The following MS4A12 variants were observed in gnomAD, a reference collection of about 807,000 sequenced individuals.
MS4A12 encodes the protein membrane-spanning 4-domains subfamily A member 12.
Under a neutral mutation model 23.7 loss-of-function variants are expected in MS4A12, and 28 were observed. The observed-to-expected ratio is 1.18, with a 90% CI of 0.88 to 1.62. The LOEUF is 1.62. Among genes scored for constraint, MS4A12 ranks in the 40% most tolerant of loss-of-function variants. The pLI is 0.00. For missense variants in MS4A12, 342 were observed against 327.0 expected (o/e 1.05, Z -0.35); for synonymous variants, 108 against 110.1 (o/e 0.98, Z 0.12).
In MS4A12 at chr11:60,507,393, A is replaced by G. The variant is rs980296875; in HGVS notation, c.*269A>G. 5.7e-5 allele frequency: 22 copies of G among 387,108 alleles called. No individual in the cohort carries two copies. The highest frequency in any genetic ancestry group is 2.5e-4 in the African/African-American group (12 of 48,570). 24.0% of individuals were successfully genotyped at this position (387,108 alleles called of 1,614,324 possible). ...TAAAGTTAGAAATGTTTCTGTTCAT[A>G]TTACTTTTTCCTTAATAAAATGTCA... On this transcript the variant is annotated 3_prime_UTR_variant, in exon 7 of 7. Transcript: ENST00000016913.
At chr11:60,501,905 C>G in intron 3 of MS4A12, 78 bp from the exon 4 acceptor site, 1 of 1,344,728 alleles carries the variant, frequency 7.4e-7, no homozygotes, top group Non-Finnish European at 1.1e-6. Flanking sequence ...CATAAATAGA[C>G]CAACCTTTCA....
chr11:60,497,821 G>A (rs1820720839), intron 2 of MS4A12: 1 of 502,802 alleles, frequency 2.0e-6, no homozygotes, highest in Non-Finnish European at 3.5e-6. Context: ...TGGAGAATTT[G>A]GTAATATTGA....
intron 5 of MS4A12, among the ~76,000 whole-genome samples, chr11:60,506,364 G>A (rs970383160): frequency 2.0e-5 from 3 of 151,804 alleles, no homozygotes; most frequent in Non-Finnish European, 2.9e-5. Context: ...CATTAATTTT[G>A]GTTATTTCTA....
intron 2 of MS4A12, among the ~76,000 whole-genome samples, chr11:60,500,647 C>T (rs79984935): frequency 0.013 from 2,031 of 152,308 alleles, 42 homozygotes; most frequent in African/African-American, 0.046. Context: ...ATTCCTTTAC[C>T]CGTAACTGGG....
intron 2 of MS4A12, among the ~76,000 whole-genome samples, chr11:60,498,530 T>C (rs7928449): frequency 0.57 from 87,021 of 151,978 alleles, 25,073 homozygotes; most frequent in East Asian, 0.65. Context: ...TAACACCCCA[T>C]ACAGCCAGCC....
intron 2 of MS4A12, among the ~76,000 whole-genome samples, chr11:60,499,092 G>A (rs1246592191): frequency 1.3e-5 from 2 of 151,968 alleles, no homozygotes; most frequent in African/African-American, 2.4e-5. Flanking sequence ...AGAATGTGAA[G>A]TTTTGTTTTC....
At chr11:60,500,988 T>C (rs1462850367) in intron 2 of MS4A12, 57 bp from the exon 3 acceptor site, 3 of 1,531,692 alleles carry the variant, frequency 2.0e-6, no homozygotes, top group African/African-American at 1.4e-5. Context: ...ATGACAGTAA[T>C]GTTTCACACG....
chr11:60,503,641 T>C (rs928212615), intron 4 of MS4A12, 60 bp from the exon 5 acceptor site: 3 of 1,283,994 alleles, frequency 2.3e-6, no homozygotes, highest in East Asian at 2.4e-5. Context: ...GATTGATTCT[T>C]ATCTCACTTA....
At chr11:60,506,663 C>T (rs2086571922) in intron 5 of MS4A12, 65 bp from the exon 6 acceptor site, 1 of 1,286,404 alleles carries the variant, frequency 7.8e-7, no homozygotes, top group East Asian at 2.4e-5. Context: ...GAGTCAATAA[C>T]TTTTTGAAGC....
At position 60,497,373 on chromosome 11, in the gene MS4A12, C is replaced by A. The variant is rs367773011; in HGVS notation, c.55C>A (p.Pro19Thr). 4 of 1,614,126 alleles carry A rather than the reference C, an allele frequency of 2.5e-6. No homozygotes were observed. In the South Asian group the frequency reaches 4.4e-5, roughly 18 times the overall value. The change falls in exon 2 of 7, where the codon CCT (proline) becomes ACT (threonine). Residue 19 changes from proline (P) to threonine (T), a missense_variant. Pro to Thr is a conservative substitution (Grantham distance 38). Transcript: ENST00000016913. ...HAEVNETIPNPYPPSSFMAPG... is the reference protein window; with the variant it reads ...HAEVNETIPNTYPPSSFMAPG... ...TGAAGTAAATGAAACCATACCCAACCCTTACCCACCAAGCAGCTTTATGGC... is the reference window on the plus strand; with the variant it reads ...TGAAGTAAATGAAACCATACCCAACACTTACCCACCAAGCAGCTTTATGGC...
At chr11:60,503,605 T>C (rs1264502687) in intron 4 of MS4A12, 96 bp from the exon 5 acceptor site, 11 of 1,028,560 alleles carry the variant, frequency 1.1e-5, no homozygotes, top group African/African-American at 1.6e-5. Flanking sequence ...GTTTTGAAAG[T>C]TCAAAAATTA....
intron 1 of MS4A12, among the ~76,000 whole-genome samples, chr11:60,495,045 T>C (rs1023678666): frequency 1.3e-5 from 2 of 151,306 alleles, no homozygotes; most frequent in Non-Finnish European, 2.9e-5. Flanking sequence ...CAGGTTGGAG[T>C]GCAGTGGCAC....
At chr11:60,493,258 C>T (rs1288794527) in intron 1 of MS4A12, among the ~76,000 whole-genome samples, 1 of 151,862 alleles carries the variant, frequency 6.6e-6, no homozygotes, top group Non-Finnish European at 1.5e-5. Context: ...TGCCTGTAAT[C>T]CCAGCTACTC....
In MS4A12 at chr11:60,506,749, G is replaced by A; in HGVS notation, c.610G>A (p.Ala204Thr). 6.2e-7 allele frequency: 1 copy of A among 1,614,112 alleles called. No homozygotes were observed. The highest frequency in any genetic ancestry group is 8.5e-7 in the Non-Finnish European group (1 of 1,179,984). ...WAVLSGKGIS[A>T]TLMIFSLLEF... ...TCAGCTTTCTGGAAAAGGCATTTCA[G>A]CCACGCTGATGATCTTCTCCCTCTT... The change falls in exon 6 of 7, where the codon GCC becomes ACC. Residue 204 changes from alanine (A) to threonine (T), a missense_variant. Physicochemically the swap from Ala to Thr is moderately conservative, Grantham distance 58. Transcript: ENST00000016913.
At chr11:60,504,711 T>C (rs1458935192) in intron 5 of MS4A12, among the ~76,000 whole-genome samples, 1 of 152,212 alleles carries the variant, frequency 6.6e-6, no homozygotes, top group Non-Finnish European at 1.5e-5. Context: ...TAACATTTCC[T>C]TTATCAGTTC....
rs999299683 is a variant in MS4A12 at position 60,507,380 on chromosome 11, T to G, written c.*256T>G. On this transcript the variant is annotated 3_prime_UTR_variant, in exon 7 of 7. Transcript: ENST00000016913. ...TCTGCAACTCTCTTAAAGTTAGAAA[T>G]GTTTCTGTTCATATTACTTTTTCCT... is the stretch of plus-strand genomic sequence containing the variant. 3 of 445,918 alleles carry G rather than the reference T, an allele frequency of 6.7e-6. No individual in the cohort carries two copies. Among genetic ancestry groups the G allele is most frequent in the Non-Finnish European group, 1.2e-5 (3 of 250,504 alleles). The allele number at this position is 445,918 out of a possible 1,614,324, so 27.6% of individuals were successfully genotyped here. A position where few individuals can be genotyped will look rare whatever the true frequency, so the allele number is the denominator to read the frequency against.
intron 2 of MS4A12, among the ~76,000 whole-genome samples, chr11:60,499,572 A>G (rs1446856726): frequency 6.6e-6 from 1 of 152,244 alleles, no homozygotes; most frequent in East Asian, 1.9e-4. Flanking sequence ...ATGTGTGTGT[A>G]TGAATGTGCA....
intron 4 of MS4A12, 84 bp downstream of exon 4, chr11:60,502,123 G>A (rs2086535172): frequency 7.2e-7 from 1 of 1,396,110 alleles, no homozygotes; most frequent in Non-Finnish European, 1.0e-6. Context: ...GCTGGATTTG[G>A]GAAATGCAAA....
intron 5 of MS4A12, 46 bp downstream of exon 5, chr11:60,503,863 C>T (rs562706044): frequency 3.4e-5 from 51 of 1,514,206 alleles, no homozygotes; most frequent in Middle Eastern, 1.7e-4. Context: ...TTTTCAGTCC[C>T]GTAAAGTGGG....
Sources: gnomAD v4.1 joint callset for allele counts (sites outside exome capture counted in the v4.1 genomes callset) on GRCh38, gnomAD v4.1.1 for gene constraint, MANE v1.5 for transcripts, NCBI Gene and HGNC (gene_info 2026-07-23, HGNC 2026-07-21) for gene names.